The following ARFIP1 variants were observed in gnomAD, a reference collection of about 807,000 sequenced individuals.
The protein encoded by ARFIP1 is ARF interacting protein 1, also known as arfaptin-1.
Under a neutral mutation model 42.5 loss-of-function variants are expected in ARFIP1, and 24 were observed. That is an observed-to-expected ratio of 0.57 (90% CI 0.41 to 0.80). The LOEUF is 0.80. Ranked by LOEUF, ARFIP1 falls within the 30% of genes least tolerant of loss-of-function variation. The pLI, the probability that ARFIP1 is intolerant of heterozygous loss-of-function variation, is 0.00. For synonymous variants in ARFIP1, 141 were observed against 153.7 expected, an observed-to-expected ratio of 0.92 and a Z score of 0.61; for missense variants, 354 against 434.0, an observed-to-expected ratio of 0.82 and a Z score of 1.64.
At chr4:152,782,726 A>T (rs1026236555) in intron 1 of ARFIP1, among the ~76,000 whole-genome samples, 3 of 152,116 alleles carry the variant, frequency 2.0e-5, no homozygotes, top group African/African-American at 7.2e-5. Context: ...TCCATTCTGT[A>T]TGAGATATTT....
chr4:152,905,270 T>C (rs1293321615), intron 8 of ARFIP1, among the ~76,000 whole-genome samples: 1 of 152,188 alleles, frequency 6.6e-6, no homozygotes, highest in African/African-American at 2.4e-5. Context: ...TGACAAACTT[T>C]TCTAAGATGC....
intron 2 of ARFIP1, among the ~76,000 whole-genome samples, chr4:152,862,830 T>G (rs1733999560): frequency 6.6e-6 from 1 of 152,244 alleles, no homozygotes; most frequent in South Asian, 2.1e-4. Context: ...GCCAGCAGAC[T>G]GTAGCCTCAG....
At chr4:152,803,400 G>A (rs766498143) in intron 1 of ARFIP1, among the ~76,000 whole-genome samples, 4 of 152,106 alleles carry the variant, frequency 2.6e-5, no homozygotes, top group Non-Finnish European at 5.9e-5. Flanking sequence ...ACATATTTGG[G>A]TAATTTTTTA....
intron 1 of ARFIP1, among the ~76,000 whole-genome samples, chr4:152,823,937 G>A (rs956703820): frequency 2.0e-5 from 3 of 151,970 alleles, no homozygotes; most frequent in Admixed American, 2.0e-4. Flanking sequence ...GAAAACTACA[G>A]ACCAATATAC....
chr4:152,844,592 C>T (rs751822741), intron 2 of ARFIP1, among the ~76,000 whole-genome samples: 1 of 151,820 alleles, frequency 6.6e-6, no homozygotes, highest in Non-Finnish European at 1.5e-5. Flanking sequence ...GAATATGAAC[C>T]TTATCAGTGG....
At chr4:152,896,312 C>T (rs765346162) in intron 8 of ARFIP1, among the ~76,000 whole-genome samples, 9 of 152,128 alleles carry the variant, frequency 5.9e-5, no homozygotes, top group Non-Finnish European at 1.0e-4. Context: ...TTATTCATTG[C>T]AGCATCACTT....
chr4:152,822,830 G>A (rs1730499137), intron 1 of ARFIP1, among the ~76,000 whole-genome samples: 1 of 152,170 alleles, frequency 6.6e-6, no homozygotes, highest in East Asian at 1.9e-4. Flanking sequence ...ACAGTGAAAT[G>A]AAGATGGAAA....
rs1426445346 is a variant in ARFIP1 at position 152,853,218 on chromosome 4, C to T, written c.94-10388C>T. On this transcript the variant is annotated intron_variant, in intron 2 of 8. Coordinates refer to ENST00000353617, the MANE Select transcript of ARFIP1 (RefSeq NM_001025595.3). The stretch of plus-strand genomic sequence containing the variant: ...GTTTGGTGGTTTTCTGTATTGGTGC[C>T]GTTTGAGTCTTTTCTCTTTGTCATT... Among the ~76,000 whole-genome samples, 6 of 152,166 alleles carry T rather than the reference C, an allele frequency of 3.9e-5. 1 individual carries two copies. The East Asian group carries it at 5.8e-4, about 15-fold the overall frequency.
At chr4:152,899,267 G>T (rs1737616224) in intron 8 of ARFIP1, among the ~76,000 whole-genome samples, 1 of 152,048 alleles carries the variant, frequency 6.6e-6, no homozygotes, top group Non-Finnish European at 1.5e-5. Flanking sequence ...AGAAGTTATA[G>T]GATGGGTAAA....
intron 8 of ARFIP1, among the ~76,000 whole-genome samples, chr4:152,900,836 T>TTTTTTCTTACACACC (rs888292877): frequency 2.0e-5 from 3 of 152,244 alleles, no homozygotes; most frequent in African/African-American, 7.2e-5. Flanking sequence ...ATTTTTACAC[T>TTTTTTCTTACACACC]TTTTTCTTAC....
At position 152,804,093 on chromosome 4, in the gene ARFIP1, A is replaced by ATATATATTATATATAATATAAGATGTAT. The variant is rs1561107888; in HGVS notation, c.-10+23888_-10+23889insGATGTATTATATATTATATATAATATAA. 6.1e-4 allele frequency among the ~76,000 whole-genome samples: 49 copies of ATATATATTATATATAATATAAGATGTAT among 79,882 alleles called. 6 individuals are homozygous for ATATATATTATATATAATATAAGATGTAT. Among genetic ancestry groups the ATATATATTATATATAATATAAGATGTAT allele is most frequent in the African/African-American group, 2.2e-3 (49 of 22,434 alleles). The allele number at this position is 79,882 out of a possible 152,430, so 52.4% of individuals were successfully genotyped here. ...TATATATTATATATAATATAACGTA[A>ATATATATTATATATAATATAAGATGTAT]TATATATTATATATAATATAACATG... On this transcript the variant is annotated intron_variant, in intron 1 of 8. Coordinates refer to ENST00000353617, the MANE Select transcript of ARFIP1 (RefSeq NM_001025595.3).
intron 3 of ARFIP1, among the ~76,000 whole-genome samples, chr4:152,869,452 C>CT (rs993026695): frequency 5.4e-5 from 8 of 149,318 alleles, no homozygotes; most frequent in African/African-American, 1.2e-4. Flanking sequence ...TTCTTTCTTT[C>CT]TTTTTTTTTT....
rs1293570136 is a variant in ARFIP1, at chr4:152,873,006, G to T, written c.411+442G>T. 3.9e-5 allele frequency among the ~76,000 whole-genome samples: 6 copies of T among 152,218 alleles called. No homozygotes were observed. In the East Asian group the frequency reaches 1.2e-3, roughly 29 times the overall value. ...GGCAACACCAGATTGCAAATTAGTT[G>T]TGTTTCTAAAGTTTGTTAACATTCT... On this transcript the variant is annotated intron_variant, in intron 5 of 8. Coordinates refer to ENST00000353617, the MANE Select transcript of ARFIP1 (RefSeq NM_001025595.3).
At chr4:152,876,390 G>T (rs1018613650) in intron 5 of ARFIP1, among the ~76,000 whole-genome samples, 4 of 152,186 alleles carry the variant, frequency 2.6e-5, no homozygotes, top group African/African-American at 7.2e-5. Flanking sequence ...GCGGCATTTT[G>T]CCCCTACCCT....
Position 152,818,166 on chromosome 4 carries a change from AT to A in ARFIP1, c.-9-11454del, listed in dbSNP as rs1368465867. ...GTGTGTAGAAATTCACACTGTGAAC[AT>A]TTTTCCAAGAAGCAACATAGGAACT... On this transcript the variant is annotated intron_variant, in intron 1 of 8. Coordinates refer to ENST00000353617, the MANE Select transcript of ARFIP1 (RefSeq NM_001025595.3). Among the ~76,000 whole-genome samples, 3 of 152,206 alleles carry A rather than the reference AT, an allele frequency of 2.0e-5. No homozygotes were observed. In the South Asian group the frequency reaches 6.2e-4, roughly 32 times the overall value.
chr4:152,851,526 A>C (rs190572481), intron 2 of ARFIP1, among the ~76,000 whole-genome samples: 2 of 152,236 alleles, frequency 1.3e-5, no homozygotes, highest in Non-Finnish European at 1.5e-5. Flanking sequence ...AGATCCTGCA[A>C]AACCTTGAAA....
chr4:152,851,287 A>G (rs1361014572), intron 2 of ARFIP1, among the ~76,000 whole-genome samples: 2 of 152,336 alleles, frequency 1.3e-5, no homozygotes, highest in African/African-American at 4.8e-5. Flanking sequence ...CAAGTATAGC[A>G]TGGTCTGAGT....
At chr4:152,887,679 C>T (rs1579011202) in intron 7 of ARFIP1, among the ~76,000 whole-genome samples, 1 of 152,024 alleles carries the variant, frequency 6.6e-6, no homozygotes, top group African/African-American at 2.4e-5. Flanking sequence ...ATGTGTTACT[C>T]ACATTACATT....
Position 152,910,294 on chromosome 4 carries a change from G to C in ARFIP1, c.*75G>C. The C allele has an allele frequency of 6.7e-7, 1 of 1,500,262 alleles. No homozygotes were observed. Among genetic ancestry groups the C allele is most frequent in the Non-Finnish European group, 9.0e-7 (1 of 1,108,806 alleles). The allele number at this position is 1,500,262 out of a possible 1,614,324, so 92.9% of individuals were successfully genotyped here. A position where few individuals can be genotyped will look rare whatever the true frequency, so the allele number is the denominator to read the frequency against. On this transcript the variant is annotated 3_prime_UTR_variant, in exon 9 of 9. Transcript: ENST00000353617. ...AACCTAACAAGAATTAAGCAGAGTTGGGGGAAGTGGGAGGGGTGACAAGCA... is the reference window on the plus strand; with the variant it reads ...AACCTAACAAGAATTAAGCAGAGTTCGGGGAAGTGGGAGGGGTGACAAGCA...
Sources: gnomAD v4.1 joint callset for allele counts (sites outside exome capture counted in the v4.1 genomes callset) on GRCh38, gnomAD v4.1.1 for gene constraint, MANE v1.5 for transcripts, NCBI Gene and HGNC (gene_info 2026-07-23, HGNC 2026-07-21) for gene names.